The following ENAH variants were observed in gnomAD, a reference collection of about 807,000 sequenced individuals.
The protein encoded by ENAH is protein enabled homolog.
In ENAH, 23 loss-of-function variants were observed where a neutral mutation model predicts 78.7. That is an observed-to-expected ratio of 0.29 (90% CI 0.21 to 0.41). The LOEUF is 0.41. ENAH is among the 10% of genes least tolerant of loss of function. ENAH has a pLI of 1.00. For synonymous variants in ENAH, 226 were observed against 241.0 expected, an observed-to-expected ratio of 0.94 and a Z score of 0.58; for missense variants, 544 against 691.0, an observed-to-expected ratio of 0.79 and a Z score of 2.39.
At chr1:225,616,455 T>C (rs1349424768) in intron 1 of ENAH, among the ~76,000 whole-genome samples, 3 of 152,050 alleles carry the variant, frequency 2.0e-5, no homozygotes, top group South Asian at 2.1e-4. Flanking sequence ...AATGAATGAG[T>C]TTATTCATAC....
intron 2 of ENAH, among the ~76,000 whole-genome samples, chr1:225,563,858 T>A (rs976385810): frequency 6.6e-6 from 1 of 152,228 alleles, no homozygotes; most frequent in Non-Finnish European, 1.5e-5. Context: ...CATTTGTAAA[T>A]GCTCTGTACT....
intron 1 of ENAH, among the ~76,000 whole-genome samples, chr1:225,578,341 G>T (rs983843702): frequency 2.0e-5 from 3 of 152,244 alleles, no homozygotes; most frequent in Non-Finnish European, 2.9e-5. Flanking sequence ...CAGGCACAAT[G>T]GTGTGCACCT....
At chr1:225,627,236 C>A (rs1457227789) in intron 1 of ENAH, among the ~76,000 whole-genome samples, 1 of 152,172 alleles carries the variant, frequency 6.6e-6, no homozygotes, top group Non-Finnish European at 1.5e-5. Flanking sequence ...GAAAATATCA[C>A]AACACCCTGA....
In ENAH at chr1:225,579,643, C is replaced by T. The variant is rs986906709; in HGVS notation, c.6-12229G>A. ...ACATGAAGAATAGAATAGCAGCTAT[C>T]GTTCCATTATTTTATTTAAACTACT... On this transcript the variant is annotated intron_variant, in intron 1 of 13. Coordinates refer to ENST00000366843, the MANE Select transcript of ENAH (RefSeq NM_018212.6). Among the ~76,000 whole-genome samples the T allele has an allele frequency of 9.2e-5, 14 of 152,256 alleles. No individual in the cohort carries two copies. The East Asian group carries it at 9.6e-4, about 10-fold the overall frequency.
At chr1:225,591,081 G>T (rs964834376) in intron 1 of ENAH, among the ~76,000 whole-genome samples, 6 of 152,174 alleles carry the variant, frequency 3.9e-5, no homozygotes, top group African/African-American at 1.2e-4. Flanking sequence ...TGACAATGAT[G>T]ATTTTATTAT....
intron 1 of ENAH, among the ~76,000 whole-genome samples, chr1:225,579,565 T>C (rs968887527): frequency 2.6e-5 from 4 of 152,216 alleles, no homozygotes; most frequent in African/African-American, 7.2e-5. Context: ...GGAAACATTT[T>C]AGACATCAAA....
rs772427473 is a variant in ENAH at position 225,489,115 on chromosome 1, C to G, written c.*8660G>C. 1.2e-4 allele frequency: 18 copies of G among 152,134 alleles called. No individual in the cohort carries two copies. Among genetic ancestry groups the G allele is most frequent in the Non-Finnish European group, 2.1e-4 (14 of 68,026 alleles). 9.4% of individuals were successfully genotyped at this position (152,134 alleles called of 1,614,324 possible). On this transcript the variant is annotated 3_prime_UTR_variant, in exon 14 of 14. Coordinates refer to ENST00000366843, the MANE Select transcript of ENAH (RefSeq NM_018212.6). The stretch of plus-strand genomic sequence containing the variant: ...TTCTGCCCAGGAATTGAAAGAAGGG[C>G]TTCTTCACTTCATCGAGCTCTGGAA...
chr1:225,510,209 C>A (rs1352438823), intron 10 of ENAH, among the ~76,000 whole-genome samples: 2 of 152,134 alleles, frequency 1.3e-5, no homozygotes, highest in Non-Finnish European at 2.9e-5. Flanking sequence ...GACACACACA[C>A]AAAACCTGTG....
At chr1:225,611,085 G>A (rs1002553197) in intron 1 of ENAH, among the ~76,000 whole-genome samples, 5 of 152,170 alleles carry the variant, frequency 3.3e-5, no homozygotes, top group Non-Finnish European at 7.4e-5. Flanking sequence ...GTGAAAGACT[G>A]TGACTAGAAG....
intron 1 of ENAH, among the ~76,000 whole-genome samples, chr1:225,575,950 G>C (rs759371047): frequency 1.3e-4 from 19 of 151,938 alleles, no homozygotes; most frequent in Non-Finnish European, 2.2e-4. Flanking sequence ...TGCCCAAATG[G>C]ACAATCTCTC....
chr1:225,650,462 GAC>G (rs1331228956), intron 1 of ENAH, among the ~76,000 whole-genome samples: 3 of 152,156 alleles, frequency 2.0e-5, no homozygotes, highest in Non-Finnish European at 2.9e-5. Flanking sequence ...ATCTATACAT[GAC>G]AGTGATTAAA....
chr1:225,566,425 T>C (rs960396998), intron 2 of ENAH, among the ~76,000 whole-genome samples: 3 of 152,080 alleles, frequency 2.0e-5, no homozygotes, highest in African/African-American at 7.2e-5. Context: ...TACCACACAA[T>C]GTAGGGGAAA....
At position 225,539,092 on chromosome 1, in the gene ENAH, T is replaced by C. The variant is rs193239821; in HGVS notation, c.350-8454A>G. Among the ~76,000 whole-genome samples the C allele has an allele frequency of 1.2e-3, 182 of 152,350 alleles. 1 individual carries two copies. Among genetic ancestry groups the C allele is most frequent in the African/African-American group, 4.2e-3 (173 of 41,582 alleles). On this transcript the variant is annotated intron_variant, in intron 3 of 13. Coordinates refer to ENST00000366843, the MANE Select transcript of ENAH (RefSeq NM_018212.6). ...CAATTAGCATCTATCAGAGTGTTGG[T>C]TGACTCTTTAATCAGAGCTCTTATC...
chr1:225,648,757 C>CTT (rs1662430529), intron 1 of ENAH, among the ~76,000 whole-genome samples: 1 of 127,200 alleles, frequency 7.9e-6, no homozygotes, highest in East Asian at 2.6e-4. Context: ...AAGATTATCT[C>CTT]CTTTTTTTTT....
intron 4 of ENAH, 128 bp from the exon 5 acceptor site, chr1:225,519,693 C>G (rs2096452865): frequency 7.3e-7 from 1 of 1,361,022 alleles, no homozygotes; most frequent in African/African-American, 1.5e-5. Context: ...AAACATCTCT[C>G]CTCCCACATG....
chr1:225,514,624 G>C lies in ENAH; in HGVS notation c.1190C>G (p.Ala397Gly). 6.2e-7 allele frequency: 1 copy of C among 1,611,936 alleles called. No homozygotes were observed. Reference sequence around the variant, plus strand: ...TGACACTTTCCTAAGTTTTGCTCCGGCAATTGCAGCTGCAAGTCCAGTTAA... The same window carrying C: ...TGACACTTTCCTAAGTTTTGCTCCGCCAATTGCAGCTGCAAGTCCAGTTAA... ...RPLTGLAAAI[A>G]GAKLRKVSRM... Residue 397 changes from alanine (A) to glycine (G), a missense_variant, in exon 7 of 14, where the codon GCC becomes GGC. Coordinates refer to ENST00000366843, the MANE Select transcript of ENAH (RefSeq NM_018212.6).
At chr1:225,565,368 G>A (rs1466203274) in intron 2 of ENAH, among the ~76,000 whole-genome samples, 3 of 152,028 alleles carry the variant, frequency 2.0e-5, no homozygotes, top group African/African-American at 7.2e-5. Flanking sequence ...CCGGGAAGGA[G>A]AGGTTGCAGT....
At chr1:225,576,461 AG>A (rs1377147551) in intron 1 of ENAH, among the ~76,000 whole-genome samples, 3 of 152,294 alleles carry the variant, frequency 2.0e-5, no homozygotes, top group African/African-American at 7.2e-5. Context: ...GTCACTAAAA[AG>A]ATCATACAAG....
chr1:225,608,018 G>C (rs1221108881), intron 1 of ENAH, among the ~76,000 whole-genome samples: 1 of 151,698 alleles, frequency 6.6e-6, no homozygotes, highest in Non-Finnish European at 1.5e-5. Flanking sequence ...TAATTTGAAA[G>C]ATAGGAATCA....
Sources: allele counts gnomAD v4.1 joint callset (sites outside exome capture counted in the v4.1 genomes callset), GRCh38; gene constraint gnomAD v4.1.1; transcripts MANE v1.5; gene names NCBI Gene and HGNC (gene_info 2026-07-23, HGNC 2026-07-21).